SOD2: variants seen among roughly 807,000 people sequenced by gnomAD.
The protein encoded by SOD2 is superoxide dismutase [Mn], mitochondrial.
A neutral mutation model predicts 27.0 loss-of-function variants in SOD2; 11 were observed. That is an observed-to-expected ratio of 0.41 (90% CI 0.26 to 0.67). SOD2 has a LOEUF of 0.67. Among genes scored for constraint, SOD2 ranks in the 30% least tolerant of loss-of-function variants. The pLI is 0.34. For missense variants in SOD2, 250 were observed against 274.5 expected, an observed-to-expected ratio of 0.91 and a Z score of 0.63; for synonymous variants, 105 against 103.0, an observed-to-expected ratio of 1.02 and a Z score of -0.12.
chr6:159,727,117 C>G, intron 1 of SOD2: 1 of 1,194,196 alleles, frequency 8.4e-7, no homozygotes, highest in Non-Finnish European at 1.1e-6. Context: ...TCCCCTCGGC[C>G]GCTTCCCTTA....
At chr6:159,716,790 C>T (rs1300175275) in intron 1 of SOD2, among the ~76,000 whole-genome samples, 1 of 152,180 alleles carries the variant, frequency 6.6e-6, no homozygotes, top group East Asian at 1.9e-4. Context: ...TTCACACACA[C>T]ACAAATTGTC....
upstream of SOD2, among the ~76,000 whole-genome samples, chr6:159,727,968 C>G (rs1322429): frequency 0.21 from 31,424 of 152,230 alleles, 3,382 homozygotes; most frequent in East Asian, 0.41. Flanking sequence ...CGGCCACTCA[C>G]GGAGGCCGGA....
intron 1 of SOD2, among the ~76,000 whole-genome samples, chr6:159,719,314 G>A (rs1388955192): frequency 6.6e-6 from 1 of 152,128 alleles, no homozygotes; most frequent in Non-Finnish European, 1.5e-5. Context: ...CACGAGGTCA[G>A]GAGTTCAAGA....
intron 1 of SOD2, among the ~76,000 whole-genome samples, chr6:159,725,206 T>C (rs527704986): frequency 3.3e-5 from 5 of 152,068 alleles, no homozygotes; most frequent in Non-Finnish European, 7.4e-5. Context: ...GGGCCAGTGG[T>C]GGTGGTTCAT....
upstream of SOD2, among the ~76,000 whole-genome samples, chr6:159,729,086 A>G (rs542319166): frequency 6.6e-6 from 1 of 152,348 alleles, no homozygotes; most frequent in South Asian, 2.1e-4. Context: ...CACAATGTGT[A>G]AAAAGCCCTG....
At chr6:159,738,089 G>A (rs931949324) in intron 1 of SOD2, among the ~76,000 whole-genome samples, 1 of 152,146 alleles carries the variant, frequency 6.6e-6, no homozygotes, top group African/African-American at 2.4e-5. Flanking sequence ...CACATTTCAC[G>A]TTATACTAGC....
At chr6:159,730,895 T>C (rs1487706987), upstream of SOD2, 3 of 152,074 alleles carry the variant, frequency 2.0e-5, no homozygotes, top group Non-Finnish European at 4.4e-5. Context: ...CATCAAACTT[T>C]TTAAAAAGAA....
chr6:159,718,909 C>T (rs866062534), intron 1 of SOD2, among the ~76,000 whole-genome samples: 2 of 152,204 alleles, frequency 1.3e-5, no homozygotes, highest in Non-Finnish European at 2.9e-5. Flanking sequence ...TCACACCAGA[C>T]GTGAGCTCTT....
intron 1 of SOD2, chr6:159,725,719 C>T (rs1778148727): frequency 6.6e-6 from 1 of 151,544 alleles, no homozygotes; most frequent in African/African-American, 2.4e-5. Flanking sequence ...CCTTCCAATT[C>T]CTCCCCGAAA....
At chr6:159,696,540 G>C (rs372728629), upstream of SOD2, among the ~76,000 whole-genome samples, 3 of 151,606 alleles carry the variant, frequency 2.0e-5, no homozygotes, top group African/African-American at 4.8e-5. Context: ...GGCTGGTCTC[G>C]AACTCCTAGA....
intron 1 of SOD2, chr6:159,742,255 T>G (rs948079566): frequency 3.3e-6 from 3 of 910,644 alleles, no homozygotes; most frequent in South Asian, 3.3e-5. Context: ...TCGTGTTTTA[T>G]TATAAGAACT....
At chr6:159,713,942 T>C (rs1232717581) in intron 1 of SOD2, 7 of 857,236 alleles carry the variant, frequency 8.2e-6, no homozygotes, top group Non-Finnish European at 1.3e-5. Context: ...GGATAGGCCC[T>C]GGACCTTCAC....
At chr6:159,710,289 A>ATATATATATATATATATAT (rs1562436098) in intron 1 of SOD2, among the ~76,000 whole-genome samples, 3 of 145,446 alleles carry the variant, frequency 2.1e-5, no homozygotes, top group African/African-American at 7.9e-5. Context: ...ATATATATAT[A>ATATATATATATATATATAT]AAATACAAAA....
intron 1 of SOD2, among the ~76,000 whole-genome samples, chr6:159,704,939 C>G (rs571424832): frequency 6.6e-6 from 1 of 152,310 alleles, no homozygotes; most frequent in East Asian, 1.9e-4. Flanking sequence ...TCCAGAGGAA[C>G]GATCAGGCAG....
chr6:159,748,537 C>G (rs930540251), upstream of SOD2: 2 of 1,377,452 alleles, frequency 1.5e-6, no homozygotes, highest in East Asian at 2.7e-5. This position sits in a 1 kb window ranked among gnomAD's most constrained non-coding sequence, Gnocchi z 5.6. Flanking sequence ...GTAAAACTTA[C>G]CAGATGAACC....
intron 1 of SOD2, among the ~76,000 whole-genome samples, chr6:159,716,709 CAG>C (rs1431861751): frequency 1.3e-5 from 2 of 152,174 alleles, no homozygotes; most frequent in Non-Finnish European, 2.9e-5. Context: ...GTCACATATA[CAG>C]AGAGGTGCTA....
At chr6:159,751,334 G>A (rs1172063180) in intron 1 of SOD2, among the ~76,000 whole-genome samples, 1 of 152,182 alleles carries the variant, frequency 6.6e-6, no homozygotes, top group Non-Finnish European at 1.5e-5. Flanking sequence ...ACAGATTAAT[G>A]TATCTTACAG....
intron 1 of SOD2, among the ~76,000 whole-genome samples, chr6:159,752,062 CA>C (rs60854821): frequency 0.032 from 2,993 of 94,796 alleles, 43 homozygotes; most frequent in African/African-American, 0.081. Flanking sequence ...ACCCCCATCT[CA>C]AAAAAAAAAA....
At chr6:159,712,532 T>G (rs890612446) in intron 1 of SOD2, among the ~76,000 whole-genome samples, 4 of 135,946 alleles carry the variant, frequency 2.9e-5, no homozygotes, top group Non-Finnish European at 6.4e-5. Flanking sequence ...CTCACACTGC[T>G]CTGATCACCA....
Sources: allele counts gnomAD v4.1 joint callset (sites outside exome capture counted in the v4.1 genomes callset), GRCh38; gene constraint gnomAD v4.1.1; non-coding constraint Gnocchi (gnomAD v3.1); transcripts MANE v1.5; gene names NCBI Gene and HGNC (gene_info 2026-07-23, HGNC 2026-07-21).